The following C13orf42 variants were observed in gnomAD, a reference collection of about 807,000 sequenced individuals.
C13orf42 encodes the protein chromosome 13 open reading frame 42, also known as uncharacterized protein C13orf42.
chr13:51,108,249 A>G (rs1247425731), intron 1 of C13orf42, among the ~76,000 whole-genome samples: 1 of 152,198 alleles, frequency 6.6e-6, no homozygotes, highest in African/African-American at 2.4e-5. Flanking sequence ...TGAGGTCACT[A>G]TCTGTGGTAC....
intron 1 of C13orf42, among the ~76,000 whole-genome samples, chr13:51,133,545 T>G (rs1953635125): frequency 6.6e-6 from 1 of 151,930 alleles, no homozygotes; most frequent in African/African-American, 2.4e-5. Context: ...ATTTTTAATT[T>G]TTTTATTTAT....
At chr13:51,101,782 A>G (rs1247239190) in intron 1 of C13orf42, among the ~76,000 whole-genome samples, 3 of 152,258 alleles carry the variant, frequency 2.0e-5, no homozygotes, top group Non-Finnish European at 4.4e-5. Flanking sequence ...AACAAGGCTC[A>G]GACGCAGGGA....
chr13:51,141,424 C>T (rs373674509), intron 1 of C13orf42, among the ~76,000 whole-genome samples: 2 of 151,820 alleles, frequency 1.3e-5, no homozygotes, highest in Non-Finnish European at 2.9e-5. Context: ...AGGCCTAATA[C>T]GTTTTTATAT....
At chr13:51,142,513 T>C (rs1188821822) in intron 1 of C13orf42, among the ~76,000 whole-genome samples, 1 of 151,456 alleles carries the variant, frequency 6.6e-6, no homozygotes, top group Non-Finnish European at 1.5e-5. Flanking sequence ...TAATTTAGAA[T>C]AGAAAGTTAA....
intron 1 of C13orf42, among the ~76,000 whole-genome samples, chr13:51,099,305 G>GA (rs1339423391): frequency 1.3e-5 from 2 of 152,016 alleles, no homozygotes; most frequent in Non-Finnish European, 2.9e-5. Context: ...AAAAAACTTA[G>GA]AAAAAAGTAT....
chr13:51,151,176 A>C (rs1002770022), intron 1 of C13orf42, among the ~76,000 whole-genome samples: 1 of 152,224 alleles, frequency 6.6e-6, no homozygotes, highest in Non-Finnish European at 1.5e-5. Flanking sequence ...GTTACACCAC[A>C]TGGTAAAGGG....
chr13:51,121,066 G>A (rs1357109207), intron 1 of C13orf42, among the ~76,000 whole-genome samples: 1 of 152,140 alleles, frequency 6.6e-6, no homozygotes, highest in Non-Finnish European at 1.5e-5. Context: ...CTGCCCCCTG[G>A]TGGTTGGGTT....
intron 1 of C13orf42, among the ~76,000 whole-genome samples, chr13:51,138,879 A>T (rs1047861768): frequency 6.6e-6 from 1 of 152,236 alleles, no homozygotes. Context: ...ATATATACAC[A>T]TATATATGTC....
chr13:51,088,098 G>A (rs1386427201), intron 1 of C13orf42, 23 bp from the exon 2 acceptor site: 2 of 398,640 alleles, frequency 5.0e-6, no homozygotes, highest in Non-Finnish European at 8.8e-6. Context: ...AAGGGGAGAA[G>A]AGAGAGTTGC....
At chr13:51,136,180 C>A (rs576924900) in intron 1 of C13orf42, among the ~76,000 whole-genome samples, 10 of 152,214 alleles carry the variant, frequency 6.6e-5, no homozygotes, top group Middle Eastern at 6.3e-3. Flanking sequence ...ACTGTGCTCC[C>A]GTTGCTGAGC....
At chr13:51,104,528 A>C (rs1953328889) in intron 1 of C13orf42, among the ~76,000 whole-genome samples, 1 of 152,200 alleles carries the variant, frequency 6.6e-6, no homozygotes, top group Non-Finnish European at 1.5e-5. Context: ...ACTGTAATAG[A>C]CTTCATTACC....
At chr13:51,133,026 G>A (rs1317015022) in intron 1 of C13orf42, among the ~76,000 whole-genome samples, 1 of 152,156 alleles carries the variant, frequency 6.6e-6, no homozygotes, top group Non-Finnish European at 1.5e-5. Context: ...TCTACAAAGG[G>A]GAGGCATGAA....
At chr13:51,155,226 C>T (rs963044818) in intron 1 of C13orf42, among the ~76,000 whole-genome samples, 3 of 152,074 alleles carry the variant, frequency 2.0e-5, no homozygotes, top group Non-Finnish European at 4.4e-5. Context: ...AAGATTGCAA[C>T]TCAAAAAAAC....
chr13:51,170,521 C>T (rs539795919), intron 1 of C13orf42, among the ~76,000 whole-genome samples: 2 of 152,274 alleles, frequency 1.3e-5, no homozygotes, highest in African/African-American at 4.8e-5. Flanking sequence ...CAACCTCTTT[C>T]TCCTTTCAAT....
chr13:51,166,211 G>C (rs905469679), intron 1 of C13orf42, among the ~76,000 whole-genome samples: 1 of 151,988 alleles, frequency 6.6e-6, no homozygotes, highest in East Asian at 1.9e-4. Context: ...TTTTTTCCAA[G>C]TTCAAAAAGC....
intron 1 of C13orf42, among the ~76,000 whole-genome samples, chr13:51,102,600 T>C (rs1183514657): frequency 6.6e-6 from 1 of 152,184 alleles, no homozygotes; most frequent in Non-Finnish European, 1.5e-5. Context: ...GGGAGGGGTG[T>C]ATATTTTGCA....
chr13:51,145,720 AG>A (rs1953728923), intron 1 of C13orf42, among the ~76,000 whole-genome samples: 4 of 112,530 alleles, frequency 3.6e-5, no homozygotes, highest in Non-Finnish European at 5.7e-5. Flanking sequence ...GAAACTCAAA[AG>A]AATATAACCA....
intron 1 of C13orf42, among the ~76,000 whole-genome samples, chr13:51,156,421 C>G (rs1286042852): frequency 6.6e-6 from 1 of 152,128 alleles, no homozygotes; most frequent in Non-Finnish European, 1.5e-5. Flanking sequence ...TACGCCCTTT[C>G]CTGAAGATGA....
At chr13:51,145,828 T>C (rs146339309) in intron 1 of C13orf42, among the ~76,000 whole-genome samples, 2 of 152,196 alleles carry the variant, frequency 1.3e-5, no homozygotes, top group Admixed American at 6.5e-5. Context: ...ACCGAACCAA[T>C]GTACTTCTAA....
Sources: allele counts gnomAD v4.1 joint callset (sites outside exome capture counted in the v4.1 genomes callset), GRCh38; gene constraint gnomAD v4.1.1; transcripts MANE v1.5; gene names NCBI Gene and HGNC (gene_info 2026-07-23, HGNC 2026-07-21).